Variants in CCDC30 observed in about 807,000 individuals in gnomAD.
The protein encoded by CCDC30 is coiled-coil domain containing 30, also known as coiled-coil domain-containing protein 30.
In CCDC30, 70 loss-of-function variants were observed where a neutral mutation model predicts 100.2. The observed-to-expected ratio is 0.70, with a 90% CI of 0.58 to 0.85. The LOEUF (loss-of-function observed/expected upper bound fraction) is 0.85. CCDC30 is among the 40% of genes least tolerant of loss of function. The probability of loss-of-function intolerance (pLI) is 0.00; values close to 1 mark genes in which losing one functional copy is unlikely to be tolerated. For missense variants in CCDC30, 652 were observed against 771.2 expected (o/e 0.85, Z 1.83); for synonymous variants, 233 against 269.5 (o/e 0.86, Z 1.33).
chr1:42,594,659 C>A (rs1646250564), intron 10 of CCDC30: 1 of 151,906 alleles, frequency 6.6e-6, no homozygotes, highest in South Asian at 2.1e-4. Context: ...TGTGAATAGC[C>A]CCTGTATTCC....
At chr1:42,489,412 G>A (rs755285835) in intron 3 of CCDC30, among the ~76,000 whole-genome samples, 1 of 152,188 alleles carries the variant, frequency 6.6e-6, no homozygotes, top group Non-Finnish European at 1.5e-5. Flanking sequence ...AGGTGAATCT[G>A]GTGGGTTATC....
chr1:42,578,188 G>A (rs1645883144), intron 8 of CCDC30, among the ~76,000 whole-genome samples: 1 of 152,056 alleles, frequency 6.6e-6, no homozygotes, highest in African/African-American at 2.4e-5. Context: ...CATATAATAT[G>A]AAGCAAACAT....
chr1:42,580,982 G>T, intron 8 of CCDC30: 1 of 398,958 alleles, frequency 2.5e-6, no homozygotes, highest in East Asian at 7.8e-5. Context: ...GGGACTACAG[G>T]TACTCACCAC....
chr1:42,616,731 G>A (rs1385412366), intron 11 of CCDC30, among the ~76,000 whole-genome samples: 1 of 152,198 alleles, frequency 6.6e-6, no homozygotes, highest in East Asian at 1.9e-4. Context: ...TTCAGGCAAG[G>A]TAGCCAACAG....
intron 6 of CCDC30, chr1:42,500,214 G>T: frequency 1.3e-6 from 2 of 1,569,810 alleles, no homozygotes; most frequent in South Asian, 1.1e-5. Context: ...ATTATGATTC[G>T]CCTGCTTGCT....
intron 1 of CCDC30, among the ~76,000 whole-genome samples, chr1:42,471,474 T>C (rs564101507): frequency 2.6e-5 from 4 of 152,374 alleles, no homozygotes; most frequent in East Asian, 1.9e-4. Context: ...ATAGTTATAA[T>C]AATACTTTTG....
chr1:42,579,343 G>A (rs1204135026), intron 8 of CCDC30, among the ~76,000 whole-genome samples: 1 of 151,702 alleles, frequency 6.6e-6, no homozygotes, highest in African/African-American at 2.4e-5. Context: ...GTGGCCAGGT[G>A]AGGTGAATGG....
intron 6 of CCDC30, among the ~76,000 whole-genome samples, chr1:42,545,186 A>AAAAAAAAAAAAAAAAAT (rs760685126): frequency 2.4e-5 from 3 of 126,046 alleles, no homozygotes; most frequent in Non-Finnish European, 3.5e-5. Flanking sequence ...AAAAAAAAAA[A>AAAAAAAAAAAAAAAAAT]AAGGGAATTT....
chr1:42,653,273 A>G (rs1300555499), intron 15 of CCDC30, 103 bp from the exon 20 acceptor site: 8 of 542,316 alleles, frequency 1.5e-5, no homozygotes, highest in Non-Finnish European at 2.2e-5. Flanking sequence ...TGTTTGTACT[A>G]TGTGCAGGTA....
At chr1:42,471,635 C>G (rs1001849529) in intron 1 of CCDC30, among the ~76,000 whole-genome samples, 1 of 152,060 alleles carries the variant, frequency 6.6e-6, no homozygotes, top group South Asian at 2.1e-4. Context: ...TGCTCAAAGA[C>G]CTTGTAGGGA....
Position 42,653,805 on chromosome 1 carries a change from T to C in CCDC30, c.1923-13T>C. On this transcript the variant is annotated splice_polypyrimidine_tract_variant and intron_variant, in intron 16 of 16. Coordinates refer to ENST00000668663, the Ensembl canonical transcript of CCDC30. ...TCTATGTACATGATGTCCTCACATA[T>C]GGCATTTCTTAGTTTTTCAGGAAAA... 1 of 1,600,734 alleles carries C rather than the reference T, an allele frequency of 6.2e-7. No individual in the cohort carries two copies.
intron 7 of CCDC30, among the ~76,000 whole-genome samples, chr1:42,568,572 C>A (rs1298388420): frequency 6.6e-6 from 1 of 152,094 alleles, no homozygotes; most frequent in Non-Finnish European, 1.5e-5. Context: ...CCATATTACA[C>A]CCCTCCTCAA....
At chr1:42,541,006 C>G (rs1238976384) in intron 6 of CCDC30, among the ~76,000 whole-genome samples, 1 of 152,152 alleles carries the variant, frequency 6.6e-6, no homozygotes, top group Non-Finnish European at 1.5e-5. Flanking sequence ...CTGTCTTTGT[C>G]TTTTATGATT....
chr1:42,499,779 T>TA (rs1337628908), intron 6 of CCDC30, among the ~76,000 whole-genome samples: 1 of 127,686 alleles, frequency 7.8e-6, no homozygotes, highest in African/African-American at 3.0e-5. Flanking sequence ...TGGCTTGTAT[T>TA]CTTTTTTTTT....
chr1:42,616,700 G>C (rs1161123211), intron 11 of CCDC30, among the ~76,000 whole-genome samples: 1 of 152,118 alleles, frequency 6.6e-6, no homozygotes, highest in Admixed American at 6.6e-5. Context: ...CCAAAAATAA[G>C]CATAGAAAAT....
At chr1:42,602,667 A>G (rs1382733681) in intron 10 of CCDC30, among the ~76,000 whole-genome samples, 2 of 152,218 alleles carry the variant, frequency 1.3e-5, no homozygotes, top group Non-Finnish European at 2.9e-5. Flanking sequence ...TCTAAAACAG[A>G]AAGCACCAGG....
At chr1:42,469,439 C>T (rs1175525704) in intron 1 of CCDC30, among the ~76,000 whole-genome samples, 1 of 152,090 alleles carries the variant, frequency 6.6e-6, no homozygotes, top group Admixed American at 6.5e-5. Context: ...GCACAGAAGC[C>T]ACAGTATAGG....
At chr1:42,515,432 G>A (rs1028850473) in intron 6 of CCDC30, among the ~76,000 whole-genome samples, 7 of 152,180 alleles carry the variant, frequency 4.6e-5, no homozygotes, top group African/African-American at 1.7e-4. Flanking sequence ...TGTGGCCTTT[G>A]GGAGATGATT....
At chr1:42,638,575 A>T (rs951520011) in intron 12 of CCDC30, among the ~76,000 whole-genome samples, 5 of 150,716 alleles carry the variant, frequency 3.3e-5, no homozygotes, top group East Asian at 3.9e-4. Flanking sequence ...AAAAAAAAAA[A>T]AGAAAAGAAA....
Sources: allele counts gnomAD v4.1 joint callset (sites outside exome capture counted in the v4.1 genomes callset), GRCh38; gene constraint gnomAD v4.1.1; transcripts MANE v1.5; gene names NCBI Gene and HGNC (gene_info 2026-07-23, HGNC 2026-07-21).